Variants in ATP10A observed in about 807,000 individuals in gnomAD.
ATP10A encodes the protein ATPase phospholipid transporting 10A (putative).
Under a neutral mutation model 147.8 loss-of-function variants are expected in ATP10A, and 111 were observed. The observed-to-expected ratio is 0.75, with a 90% CI of 0.64 to 0.88. The LOEUF is 0.88. ATP10A is among the 40% of genes least tolerant of loss of function. ATP10A has a pLI of 0.00. For synonymous variants in ATP10A, 875 were observed against 841.6 expected, an observed-to-expected ratio of 1.04 and a Z score of -0.69; for missense variants, 1,927 against 1,959.0, an observed-to-expected ratio of 0.98 and a Z score of 0.31.
downstream of ATP10A, among the ~76,000 whole-genome samples, chr15:25,676,246 G>T (rs1490760490): frequency 1.3e-5 from 2 of 152,208 alleles, no homozygotes; most frequent in Admixed American, 1.3e-4. Flanking sequence ...GATGAGGGCA[G>T]GTGCCTCCTG....
At chr15:25,684,656 G>A (rs1899616203) in intron 16 of ATP10A, among the ~76,000 whole-genome samples, 1 of 152,146 alleles carries the variant, frequency 6.6e-6, no homozygotes, top group African/African-American at 2.4e-5. Context: ...CAACTGCGAT[G>A]GGTCTTGGCT....
intron 1 of ATP10A, among the ~76,000 whole-genome samples, chr15:25,835,331 C>T (rs1036161820): frequency 2.6e-5 from 4 of 152,146 alleles, no homozygotes; most frequent in African/African-American, 9.7e-5. Context: ...GGATGCAAAA[C>T]TCTCCCAGAT....
intron 1 of ATP10A, among the ~76,000 whole-genome samples, chr15:25,839,664 A>G (rs11161239): frequency 0.66 from 100,436 of 152,074 alleles, 34,494 homozygotes; most frequent in East Asian, 0.91. Flanking sequence ...TGGGCACACC[A>G]AATTTCCATG....
intron 2 of ATP10A, among the ~76,000 whole-genome samples, chr15:25,756,448 C>T (rs996848860): frequency 6.6e-6 from 1 of 152,170 alleles, no homozygotes; most frequent in Non-Finnish European, 1.5e-5. Context: ...TTGAGATCAT[C>T]CCGGCTAACA....
At chr15:25,675,054 C>T (rs937034626), downstream of ATP10A, among the ~76,000 whole-genome samples, 1 of 152,234 alleles carries the variant, frequency 6.6e-6, no homozygotes, top group Non-Finnish European at 1.5e-5. Context: ...TCTGCCCTGG[C>T]TGGATGGCTG....
chr15:25,676,727 AT>A (rs1899143656), downstream of ATP10A, among the ~76,000 whole-genome samples: 3 of 123,176 alleles, frequency 2.4e-5, no homozygotes, highest in Non-Finnish European at 5.9e-5. Flanking sequence ...TGATATTAAT[AT>A]AATTATGTCT....
chr15:25,692,677 A>T (rs947329111), intron 14 of ATP10A, among the ~76,000 whole-genome samples: 1 of 152,234 alleles, frequency 6.6e-6, no homozygotes, highest in African/African-American at 2.4e-5. Flanking sequence ...TTTCCCCAGA[A>T]TGTCCCATTT....
At chr15:25,677,057 C>T (rs542776290), downstream of ATP10A, among the ~76,000 whole-genome samples, 3 of 152,216 alleles carry the variant, frequency 2.0e-5, no homozygotes, top group South Asian at 6.2e-4. Context: ...TATCTGACCT[C>T]CGAGAACTTA....
At chr15:25,841,690 A>G (rs1230425949) in intron 1 of ATP10A, 1 of 152,198 alleles carries the variant, frequency 6.6e-6, no homozygotes, top group Non-Finnish European at 1.5e-5. Flanking sequence ...ATCCATGAAC[A>G]TGGGAAGTCT....
At chr15:25,798,494 C>T (rs1440198945) in intron 1 of ATP10A, among the ~76,000 whole-genome samples, 4 of 152,150 alleles carry the variant, frequency 2.6e-5, no homozygotes, top group Admixed American at 2.6e-4. Flanking sequence ...GGGCCGAAGC[C>T]CAGATTCATC....
At chr15:25,795,273 G>GACAC (rs1434502350) in intron 1 of ATP10A, among the ~76,000 whole-genome samples, 1 of 152,046 alleles carries the variant, frequency 6.6e-6, no homozygotes, top group East Asian at 1.9e-4. Context: ...CAGCCCACAG[G>GACAC]ACACCACCGT....
intron 12 of ATP10A, among the ~76,000 whole-genome samples, chr15:25,706,853 TG>T (rs982211217): frequency 6.6e-6 from 1 of 152,206 alleles, no homozygotes; most frequent in African/African-American, 2.4e-5. Context: ...CGGGCACGTC[TG>T]GGACAACCAG....
intron 12 of ATP10A, among the ~76,000 whole-genome samples, chr15:25,704,160 C>A (rs1368908269): frequency 6.6e-6 from 1 of 152,210 alleles, no homozygotes; most frequent in Non-Finnish European, 1.5e-5. Context: ...GTCACTTGTA[C>A]TATGACAGGT....
intron 1 of ATP10A, among the ~76,000 whole-genome samples, chr15:25,813,101 G>A (rs1367461297): frequency 1.3e-5 from 2 of 152,174 alleles, no homozygotes; most frequent in Non-Finnish European, 2.9e-5. Context: ...GTTGTCTCTG[G>A]AGGGTACCCT....
chr15:25,804,263 T>C (rs940418030), intron 1 of ATP10A, among the ~76,000 whole-genome samples: 10 of 151,880 alleles, frequency 6.6e-5, no homozygotes, highest in Admixed American at 2.0e-4. Context: ...GCATGGTGTG[T>C]GTGTGGTTAT....
chr15:25,788,686 CA>C (rs1890278441), intron 1 of ATP10A, among the ~76,000 whole-genome samples: 1 of 152,218 alleles, frequency 6.6e-6, no homozygotes, highest in Admixed American at 6.5e-5. Flanking sequence ...GGAATTAAAA[CA>C]AGAGCTGTTA....
At chr15:25,683,168 A>T in intron 17 of ATP10A, 118 bp downstream of exon 17, 1 of 949,054 alleles carries the variant, frequency 1.1e-6, no homozygotes, top group Admixed American at 2.5e-5. Flanking sequence ...TGAATTCTAG[A>T]ATTTCAGTTT....
intron 2 of ATP10A, among the ~76,000 whole-genome samples, chr15:25,778,405 C>T (rs11632608): frequency 0.82 from 123,878 of 151,846 alleles, 50,529 homozygotes; most frequent in Middle Eastern, 0.86. Flanking sequence ...GCTTCCTTTA[C>T]TTTCAGTGGG....
intron 6 of ATP10A, among the ~76,000 whole-genome samples, chr15:25,723,365 GAA>G (rs11310812): frequency 2.0e-5 from 3 of 149,592 alleles, no homozygotes; most frequent in Non-Finnish European, 3.0e-5. Context: ...AAGAAAAAGA[GAA>G]AAAAAAAACA....
Sources: gnomAD v4.1 joint callset for allele counts (sites outside exome capture counted in the v4.1 genomes callset) on GRCh38, gnomAD v4.1.1 for gene constraint, MANE v1.5 for transcripts, NCBI Gene and HGNC (gene_info 2026-07-23, HGNC 2026-07-21) for gene names.